Variants in RPL31 observed in about 807,000 individuals in gnomAD.
RPL31 encodes ribosomal protein L31, also known as large ribosomal subunit protein eL31.
For synonymous variants in RPL31, 51 were observed against 55.0 expected (o/e 0.93, Z 0.32); for missense variants, 95 against 164.0 (o/e 0.58, Z 2.30).
At chr2:101,013,147 T>G (rs767370130) in intron 4 of RPL31, among the ~76,000 whole-genome samples, 1 of 152,140 alleles carries the variant, frequency 6.6e-6, no homozygotes, top group Non-Finnish European at 1.5e-5. Flanking sequence ...GGTAAAGTAT[T>G]AACAGTGACA....
In RPL31 at chr2:101,006,565, C is replaced by A; in HGVS notation, c.*184C>A. 1.8e-6 allele frequency: 1 copy of A among 552,788 alleles called. No individual in the cohort carries two copies. The highest frequency in any genetic ancestry group is 3.1e-6 in the Non-Finnish European group (1 of 324,752). 34.2% of individuals were successfully genotyped at this position (552,788 alleles called of 1,614,324 possible). Reference sequence around the variant, plus strand: ...GGGGTTTTAAAGTGATTTCAAACTGCAACCTAGTTTTAGAACCACTGTTCT... The same window carrying A: ...GGGGTTTTAAAGTGATTTCAAACTGAAACCTAGTTTTAGAACCACTGTTCT... On this transcript the variant is annotated 3_prime_UTR_variant, in exon 5 of 5. Transcript: ENST00000264258.
intron 4 of RPL31, among the ~76,000 whole-genome samples, chr2:101,015,193 A>G (rs1057326748): frequency 3.9e-5 from 6 of 152,192 alleles, no homozygotes; most frequent in African/African-American, 1.4e-4. Context: ...GTAGCTGTGT[A>G]TCTAAACTAT....
At chr2:101,007,564 C>T (rs1053714722), downstream of RPL31, 3 of 477,722 alleles carry the variant, frequency 6.3e-6, no homozygotes, top group South Asian at 8.6e-5. Flanking sequence ...GCAGAAGTGC[C>T]CATTTCAGCA....
chr2:101,019,031 G>A (rs745985246), exon 5 of RPL31: 6 of 1,611,956 alleles, frequency 3.7e-6, no homozygotes, highest in Non-Finnish European at 5.1e-6. Flanking sequence ...GTCGCCAAGA[G>A]CCCATAAAGG....
intron 4 of RPL31, among the ~76,000 whole-genome samples, chr2:101,016,529 A>T (rs1679649330): frequency 6.6e-6 from 1 of 152,180 alleles, no homozygotes; most frequent in Non-Finnish European, 1.5e-5. Flanking sequence ...TTCCTCAGGG[A>T]TCTAGAACTA....
At chr2:101,008,223 A>C, downstream of RPL31, 2 of 1,601,398 alleles carry the variant, frequency 1.2e-6, no homozygotes, top group Non-Finnish European at 1.7e-6. Flanking sequence ...TTTCTTCTGG[A>C]TCTTCATGGA....
At chr2:101,009,845 G>GGAGT (rs1390225724), downstream of RPL31, among the ~76,000 whole-genome samples, 1 of 142,596 alleles carries the variant, frequency 7.0e-6, no homozygotes, top group African/African-American at 2.6e-5. Context: ...TTTTTGAGAT[G>GGAGT]GAGTCTCGCT....
At chr2:101,018,945 G>A (rs957497288) in intron 4 of RPL31, 38 of 1,595,480 alleles carry the variant, frequency 2.4e-5, no homozygotes, top group South Asian at 1.0e-4. Context: ...AATGCTCTTC[G>A]TCTGTGTGTT....
At chr2:101,018,890 G>A in intron 4 of RPL31, 1 of 1,437,158 alleles carries the variant, frequency 7.0e-7, no homozygotes, top group South Asian at 1.3e-5. Flanking sequence ...ATATCCGTAG[G>A]TTTATCAATC....
chr2:101,004,105 A>G lies in RPL31; in HGVS notation c.108-53A>G, dbSNP rs1312451579. The G allele has an allele frequency of 5.0e-6, 8 of 1,589,114 alleles. No individual in the cohort carries two copies. In the Admixed American group the frequency reaches 1.4e-4, roughly 28 times the overall value. ...TCGACATTGAGGATTTCTCACATGTACCTAATTTAGTTTTGTGCTCCTTTA... is the reference window on the plus strand; with the variant it reads ...TCGACATTGAGGATTTCTCACATGTGCCTAATTTAGTTTTGTGCTCCTTTA... On this transcript the variant is annotated intron_variant, in intron 2 of 4. Transcript: ENST00000264258.
Position 101,016,134 on chromosome 2 carries a change from G to A in RPL31, c.347-2864G>A, listed in dbSNP as rs146246626. On this transcript the variant is annotated intron_variant, in intron 4 of 4. Coordinates refer to the RPL31 transcript ENST00000409028. ...AAGAAACTACCATCAGAGTGAACACGCAATCTTCAAAATGGGAGAAAATTT... is the reference window on the plus strand; with the variant it reads ...AAGAAACTACCATCAGAGTGAACACACAATCTTCAAAATGGGAGAAAATTT... 5.3e-3 allele frequency among the ~76,000 whole-genome samples: 802 copies of A among 152,290 alleles called. 8 individuals carry two copies. Among genetic ancestry groups the A allele is most frequent in the Non-Finnish European group, 8.3e-3 (566 of 68,036 alleles).
intron 3 of RPL31, chr2:101,004,633 T>C (rs1265470979): frequency 3.4e-6 from 1 of 296,950 alleles, no homozygotes; most frequent in African/African-American, 2.2e-5. Flanking sequence ...GCTCTAGACA[T>C]CATGGCAAGT....
downstream of RPL31, chr2:101,011,409 A>G (rs1309827865): frequency 6.3e-7 from 1 of 1,599,144 alleles, no homozygotes; most frequent in Admixed American, 1.7e-5. Flanking sequence ...CCGCCACTGC[A>G]GTGGTATGCA....
downstream of RPL31, among the ~76,000 whole-genome samples, chr2:101,009,647 C>T (rs1410210898): frequency 6.6e-6 from 1 of 151,880 alleles, no homozygotes; most frequent in Non-Finnish European, 1.5e-5. Context: ...CATCTGAGAG[C>T]AATTCCCAGC....
At chr2:101,017,455 T>G (rs1390208054) in intron 4 of RPL31, among the ~76,000 whole-genome samples, 1 of 152,176 alleles carries the variant, frequency 6.6e-6, no homozygotes, top group East Asian at 1.9e-4. Context: ...ACATCAGTAA[T>G]GTGTTTTGCT....
rs1449108094 is a variant in RPL31 at position 101,006,833 on chromosome 2, G to A, written c.*452G>A. ...TCTGCCTACATCCATATTGAGTATA[G>A]TTGTTGTCTTCTAAAATAATTAATT... On this transcript the variant is annotated 3_prime_UTR_variant, in exon 5 of 5. Coordinates refer to ENST00000264258, the MANE Select transcript of RPL31 (RefSeq NM_000993.5). 1 of 154,186 alleles carries A rather than the reference G, an allele frequency of 6.5e-6. No individual in the cohort carries two copies. The highest frequency in any genetic ancestry group is 1.9e-4 in the East Asian group (1 of 5,280). The allele number at this position is 154,186 out of a possible 1,614,324, so 9.6% of individuals were successfully genotyped here.
chr2:101,002,442 A>G, intron 1 of RPL31, 127 bp downstream of exon 1: 4 of 528,034 alleles, frequency 7.6e-6, no homozygotes, highest in Non-Finnish European at 1.4e-5. Flanking sequence ...AGATGGGAAT[A>G]CACCCTGCTT....
chr2:101,004,171 C>T lies in RPL31; in HGVS notation c.121C>T (p.Arg41Cys), dbSNP rs775793994. 16 of 1,613,654 alleles carry T rather than the reference C, an allele frequency of 9.9e-6. No individual in the cohort carries two copies. The highest frequency in any genetic ancestry group is 1.3e-5 in the African/African-American group (1 of 74,892). The change falls in exon 3 of 5, where the codon CGT (arginine) becomes TGT (cysteine). Residue 41 changes from arginine (R) to cysteine (C), a missense_variant. By Grantham distance (180) the Arg-to-Cys change is radical. Transcript: ENST00000264258. ...KRIHGVGFKK[R>C]APRALKEIRK... ...TTTGAATCGTAGGGGCTTCAAGAAG[C>T]GTGCACCTCGGGCACTCAAAGAGAT...
intron 4 of RPL31, chr2:101,017,917 A>G (rs1679773919): frequency 6.4e-7 from 1 of 1,550,742 alleles, no homozygotes; most frequent in Non-Finnish European, 8.7e-7. Context: ...AAACCGAACA[A>G]GAAGAGGAAA....
Sources: allele counts gnomAD v4.1 joint callset (sites outside exome capture counted in the v4.1 genomes callset), GRCh38; gene constraint gnomAD v4.1.1; transcripts MANE v1.5; gene names NCBI Gene and HGNC (gene_info 2026-07-23, HGNC 2026-07-21).